LXN: variants seen among roughly 807,000 people sequenced by gnomAD.
LXN encodes latexin.
LXN carries 28 observed loss-of-function variants against 29.8 expected under a neutral mutation model. The observed-to-expected ratio is 0.94, with a 90% CI of 0.70 to 1.29. LXN has a LOEUF of 1.29. LXN is among the 50% of genes most tolerant of loss of function. The probability of loss-of-function intolerance (pLI) is 0.00; values close to 1 mark genes in which losing one functional copy is unlikely to be tolerated. For synonymous variants in LXN, 77 were observed against 89.6 expected (o/e 0.86, Z 0.80); for missense variants, 227 against 261.7 (o/e 0.87, Z 0.92).
chr3:158,666,777 A>T (rs1560136184), intron 5 of LXN, 33 bp from the exon 6 acceptor site: 1 of 1,583,446 alleles, frequency 6.3e-7, no homozygotes, highest in East Asian at 2.2e-5. Context: ...CCATGATAAA[A>T]TTCAGAAAAC....
chr3:158,669,082 A>C lies in LXN; in HGVS notation c.421T>G (p.Trp141Gly). Reference sequence around the variant, plus strand: ...CATATTATATAACCACAGGCAACCCAGGCTAAATGTAGAACGAGCGTCATT... The same window carrying C: ...CATATTATATAACCACAGGCAACCCCGGCTAAATGTAGAACGAGCGTCATT... ...PEMTLVLHLA[W>G]VACGYIIWQN... Residue 141 changes from tryptophan to glycine, a missense_variant, in exon 4 of 6, where the codon TGG becomes GGG. Physicochemically the swap from Trp to Gly is radical, Grantham distance 184 (BLOSUM62 -2). Coordinates refer to ENST00000264265, the MANE Select transcript of LXN (RefSeq NM_020169.4). 6.2e-7 allele frequency: 1 copy of C among 1,613,772 alleles called. No individual in the cohort carries two copies. Among genetic ancestry groups the C allele is most frequent in the Non-Finnish European group, 8.5e-7 (1 of 1,179,822 alleles).
chr3:158,667,030 A>T lies in LXN; in HGVS notation c.552T>A (p.Leu184=). The T allele has an allele frequency of 6.3e-7, 1 of 1,596,958 alleles. No individual in the cohort carries two copies. The highest frequency in any genetic ancestry group is 8.5e-7 in the Non-Finnish European group (1 of 1,174,748). ...DFIELDYTIL[L]HNIASQEIIP... Reference sequence around the variant, plus strand: ...ACTTTACCTGAGATGCTATATTATGAAGTAGAATGGTGTAGTCTAATTCAA... The same window carrying T: ...ACTTTACCTGAGATGCTATATTATGTAGTAGAATGGTGTAGTCTAATTCAA... The change falls in exon 5 of 6, where the codon CTT becomes CTA. Residue 184 remains leucine (L), a synonymous_variant. Coordinates refer to ENST00000264265, the MANE Select transcript of LXN (RefSeq NM_020169.4).
chr3:158,669,255 C>G (rs1367732189), intron 3 of LXN, 123 bp from the exon 4 acceptor site: 1 of 1,226,154 alleles, frequency 8.2e-7, no homozygotes, highest in African/African-American at 1.6e-5. Context: ...TTTAATTAAG[C>G]TATGGATCTA....
intron 4 of LXN, among the ~76,000 whole-genome samples, chr3:158,668,179 A>G (rs1040902394): frequency 2.0e-5 from 3 of 152,192 alleles, no homozygotes; most frequent in Admixed American, 6.5e-5. Flanking sequence ...ACCAAAATGC[A>G]CGGATGCCCA....
intron 1 of LXN, 142 bp from the exon 2 acceptor site, chr3:158,671,161 C>A: frequency 8.5e-7 from 1 of 1,178,162 alleles, no homozygotes; most frequent in African/African-American, 1.6e-5. Context: ...AAAGGCATGT[C>A]ACCATGAATG....
intron 4 of LXN, among the ~76,000 whole-genome samples, chr3:158,668,325 G>T (rs1193523917): frequency 2.0e-5 from 3 of 151,748 alleles, no homozygotes; most frequent in Non-Finnish European, 4.4e-5. Context: ...TATTACTTAG[G>T]GAATCATGAC....
intron 2 of LXN, among the ~76,000 whole-genome samples, 180 bp downstream of exon 2, chr3:158,670,777 A>G (rs1724210638): frequency 6.6e-6 from 1 of 152,130 alleles, no homozygotes; most frequent in African/African-American, 2.4e-5. Context: ...CAGGAGGATC[A>G]CAAAAATTAG....
At chr3:158,670,419 A>G (rs1348080855) in intron 2 of LXN, among the ~76,000 whole-genome samples, 1 of 151,902 alleles carries the variant, frequency 6.6e-6, no homozygotes, top group East Asian at 1.9e-4. Flanking sequence ...ACTCATTTAT[A>G]TTAGGCATAA....
intron 1 of LXN, among the ~76,000 whole-genome samples, chr3:158,671,670 CAGAT>C (rs1724328857): frequency 6.6e-6 from 1 of 152,126 alleles, no homozygotes; most frequent in Non-Finnish European, 1.5e-5. Flanking sequence ...AAAATTCTGT[CAGAT>C]AAATAAGGGA....
At chr3:158,672,134 A>T (rs1289162326) in intron 1 of LXN, among the ~76,000 whole-genome samples, 1 of 152,200 alleles carries the variant, frequency 6.6e-6, no homozygotes, top group Non-Finnish European at 1.5e-5. Context: ...CTCTGCCTTA[A>T]GGTGAAAACA....
Position 158,666,709 on chromosome 3 carries a change from A to G in LXN, c.606T>C (p.His202=), listed in dbSNP as rs552984709. The change falls in exon 6 of 6, where the codon CAT becomes CAC. Residue 202 remains histidine, a synonymous_variant. Transcript: ENST00000264265. ...IIPWQMQVLW[H]PQYGTKVKHN... ...GTTTTACTTTAGTGCCGTATTGTGG[A>G]TGCCAGAGAACTTGCATTTGCCAGG... 4.3e-6 allele frequency: 7 copies of G among 1,614,034 alleles called. No homozygotes were observed. The East Asian group carries it at 1.6e-4, about 36-fold the overall frequency.
At position 158,666,431 on chromosome 3, in the gene LXN, C is replaced by G. The variant is rs1560135937; in HGVS notation, c.*215G>C. ...AAACATTATGAGGCTGAAATTGAAG[C>G]TTTTTATTTTGGATATACATACCAC... On this transcript the variant is annotated 3_prime_UTR_variant, in exon 6 of 6. Transcript: ENST00000264265. The G allele has an allele frequency of 6.6e-7, 1 of 1,515,984 alleles. No homozygotes were observed. Among genetic ancestry groups the G allele is most frequent in the Admixed American group, 1.7e-5 (1 of 59,734 alleles). 93.9% of individuals were successfully genotyped at this position (1,515,984 alleles called of 1,614,324 possible).
chr3:158,671,586 A>G (rs1724316032), intron 1 of LXN, among the ~76,000 whole-genome samples: 1 of 152,248 alleles, frequency 6.6e-6, no homozygotes, highest in Non-Finnish European at 1.5e-5. Context: ...TTGAAAATTT[A>G]TACCTAATTC....
In LXN at chr3:158,672,350, C is replaced by T. The variant is rs764241465; in HGVS notation, c.129G>A (p.Glu43=). 2 of 1,613,640 alleles carry T rather than the reference C, an allele frequency of 1.2e-6. No homozygotes were observed. Among genetic ancestry groups the T allele is most frequent in the Non-Finnish European group, 1.7e-6 (2 of 1,179,762 alleles). The change falls in exon 1 of 6, where the codon GAG becomes GAA. Residue 43 remains glutamate, a splice_region_variant and synonymous_variant. Coordinates refer to ENST00000264265, the MANE Select transcript of LXN (RefSeq NM_020169.4). ...GTCCACCACCCCCTGCTAAACTCACCTCCATGCTGGCTTGTTTGACCTTCT... is the reference window on the plus strand; with the variant it reads ...GTCCACCACCCCCTGCTAAACTCACTTCCATGCTGGCTTGTTTGACCTTCT... ...EVQKVKQASM[E]DIPGRGHKYH...
At chr3:158,668,568 G>A (rs1723946394) in intron 4 of LXN, among the ~76,000 whole-genome samples, 1 of 152,268 alleles carries the variant, frequency 6.6e-6, no homozygotes, top group Admixed American at 6.5e-5. Flanking sequence ...TGACTAACCC[G>A]AAAGATTAAG....
intron 4 of LXN, 33 bp downstream of exon 4, chr3:158,668,963 C>G (rs770377147): frequency 1.3e-5 from 20 of 1,527,914 alleles, no homozygotes; most frequent in Admixed American, 1.8e-5. Context: ...AATATTAACC[C>G]CATTAATAGT....
At chr3:158,668,932 T>C (rs1723984643) in intron 4 of LXN, 64 bp downstream of exon 4, 1 of 1,400,326 alleles carries the variant, frequency 7.1e-7, no homozygotes, top group Non-Finnish European at 9.8e-7. Flanking sequence ...AATCCAATTA[T>C]GAATTACAAT....
At position 158,672,644 on chromosome 3, in the gene LXN, T is replaced by A; in HGVS notation, c.-166A>T. The A allele has an allele frequency of 1.3e-6, 1 of 762,554 alleles. No homozygotes were observed. Among genetic ancestry groups the A allele is most frequent in the Non-Finnish European group, 2.0e-6 (1 of 493,100 alleles). 47.2% of individuals were successfully genotyped at this position (762,554 alleles called of 1,614,324 possible). A position where few individuals can be genotyped will look rare whatever the true frequency, so the allele number is the denominator to read the frequency against. ...AGCTCCTTCCGACTCCGGAAGCTGC[T>A]GTTTGGGCCCAGGCTCCCTGCATCC... On this transcript the variant is annotated 5_prime_UTR_variant, in exon 1 of 6. Coordinates refer to ENST00000264265, the MANE Select transcript of LXN (RefSeq NM_020169.4).
intron 4 of LXN, among the ~76,000 whole-genome samples, chr3:158,667,482 T>C (rs1429739716): frequency 6.6e-6 from 1 of 152,208 alleles, no homozygotes; most frequent in South Asian, 2.1e-4. Flanking sequence ...ACAGAAATTC[T>C]CTTTTTGAAA....
Sources: allele counts gnomAD v4.1 joint callset (sites outside exome capture counted in the v4.1 genomes callset), GRCh38; gene constraint gnomAD v4.1.1; transcripts MANE v1.5; gene names NCBI Gene and HGNC (gene_info 2026-07-23, HGNC 2026-07-21).